The following MCF2L variants were observed in gnomAD, a reference collection of about 807,000 sequenced individuals.
The protein encoded by MCF2L is guanine nucleotide exchange factor DBS.
MCF2L carries 97 observed loss-of-function variants against 153.4 expected under a neutral mutation model. That is an observed-to-expected ratio of 0.63 (90% CI 0.54 to 0.75). MCF2L has a LOEUF of 0.75. Among genes scored for constraint, MCF2L ranks in the 30% least tolerant of loss-of-function variants. The pLI, the probability that MCF2L is intolerant of heterozygous loss-of-function variation, is 0.00. For missense variants in MCF2L, 1,347 were observed against 1,495.2 expected, an observed-to-expected ratio of 0.90 and a Z score of 1.64; for synonymous variants, 659 against 632.2, an observed-to-expected ratio of 1.04 and a Z score of -0.64.
chr13:113,033,919 C>T (rs1248846408), intron 3 of MCF2L: 7 of 167,204 alleles, frequency 4.2e-5, no homozygotes, highest in East Asian at 1.9e-4. Context: ...GGACAAGTCG[C>T]GGAGGCCCTG....
chr13:113,015,006 A>G (rs978316572), intron 2 of MCF2L, among the ~76,000 whole-genome samples, 160 bp downstream of exon 2: 1 of 152,182 alleles, frequency 6.6e-6, no homozygotes, highest in Non-Finnish European at 1.5e-5. Flanking sequence ...GGCTCTCCCC[A>G]TCTCTGTGAA....
At position 113,083,984 on chromosome 13, in the gene MCF2L, C is replaced by G; in HGVS notation, c.1992-14C>G. 6.2e-7 allele frequency: 1 copy of G among 1,608,788 alleles called. No individual in the cohort carries two copies. The highest frequency in any genetic ancestry group is 8.5e-7 in the Non-Finnish European group (1 of 1,175,244). ...GCCTGTCTTTCATACTACTTAAAAA[C>G]CTTCTTTGTCTAGGATATTCCTCAG... On this transcript the variant is annotated splice_polypyrimidine_tract_variant and intron_variant, in intron 17 of 29. Coordinates refer to ENST00000535094, the MANE Select transcript of MCF2L (RefSeq NM_001112732.3).
intron 2 of MCF2L, chr13:112,958,156 G>C (rs970916196): frequency 6.6e-6 from 1 of 152,170 alleles, no homozygotes; most frequent in Non-Finnish European, 1.5e-5. Context: ...GCTCTTCCTG[G>C]GCTCTCGAGA....
At position 113,096,923 on chromosome 13, in the gene MCF2L, C is replaced by T; in HGVS notation, c.*64C>T. The stretch of plus-strand genomic sequence containing the variant: ...CTGCGGTGGCGTGGGGAGGGCGCGG[C>T]CCCCGGACGCCCCGAGGAAGGGGCA... On this transcript the variant is annotated 3_prime_UTR_variant, in exon 30 of 30. Coordinates refer to ENST00000535094, the MANE Select transcript of MCF2L (RefSeq NM_001112732.3). 8.8e-7 allele frequency: 1 copy of T among 1,142,182 alleles called. No homozygotes were observed. The highest frequency in any genetic ancestry group is 2.4e-5 in the South Asian group (1 of 42,096). 70.8% of individuals were successfully genotyped at this position (1,142,182 alleles called of 1,614,324 possible). A position where few individuals can be genotyped will look rare whatever the true frequency, so the allele number is the denominator to read the frequency against.
intron 1 of MCF2L, among the ~76,000 whole-genome samples, chr13:112,980,555 C>A (rs999734054): frequency 1.3e-5 from 2 of 150,196 alleles, no homozygotes; most frequent in Admixed American, 6.6e-5. Context: ...CACATCCAGG[C>A]GATGCCTGAC....
intron 2 of MCF2L, among the ~76,000 whole-genome samples, chr13:112,945,574 A>G (rs766848297): frequency 6.6e-5 from 10 of 152,230 alleles, no homozygotes; most frequent in African/African-American, 9.6e-5. Flanking sequence ...TGATGGCACC[A>G]TTCTTCTGGG....
At chr13:112,900,793 G>C (rs2081112451) in intron 1 of MCF2L, among the ~76,000 whole-genome samples, 1 of 152,140 alleles carries the variant, frequency 6.6e-6, no homozygotes, top group Non-Finnish European at 1.5e-5. Flanking sequence ...TGGGGCAGTG[G>C]TTCTCGGGAC....
intron 2 of MCF2L, chr13:112,909,315 T>A (rs891098466): frequency 1.3e-5 from 10 of 779,556 alleles, no homozygotes; most frequent in Non-Finnish European, 2.4e-5. Context: ...CACTCGGCAG[T>A]GTGAGTACAT....
At position 113,031,016 on chromosome 13, in the gene MCF2L, GAGAA is replaced by G. The variant is rs1235315650; in HGVS notation, c.278+6266_278+6269del. ...CAGCAGGGCTGTGGGAAAACAATGTGAGAAAGAAAGAGAGACAGAGAGACAGAGA... is the reference window on the plus strand; with the variant it reads ...CAGCAGGGCTGTGGGAAAACAATGTGAGAAAGAGAGACAGAGAGACAGAGA... On this transcript the variant is annotated intron_variant, in intron 3 of 29. Coordinates refer to ENST00000535094, the MANE Select transcript of MCF2L (RefSeq NM_001112732.3). This position sits in a 1 kb window ranked among gnomAD's most constrained non-coding sequence, Gnocchi z 5.5. 6.6e-6 allele frequency among the ~76,000 whole-genome samples: 1 copy of G among 152,094 alleles called. No individual in the cohort carries two copies. The highest frequency in any genetic ancestry group is 1.5e-5 in the Non-Finnish European group (1 of 68,016).
chr13:112,931,082 GACAA>G (rs1311924633), intron 2 of MCF2L, among the ~76,000 whole-genome samples: 2 of 152,250 alleles, frequency 1.3e-5, no homozygotes, highest in African/African-American at 2.4e-5. Flanking sequence ...GCGTGCAGAT[GACAA>G]ACAGAGGTTC....
intron 20 of MCF2L, among the ~76,000 whole-genome samples, chr13:113,085,746 G>C (rs7329885): frequency 0.037 from 2,709 of 72,972 alleles, 109 homozygotes; most frequent in Middle Eastern, 0.11. Context: ...GAGCAGGTGC[G>C]AGGGGTTTGC....
At position 113,031,070 on chromosome 13, in the gene MCF2L, GAGAC is replaced by G. The variant is rs1294041273; in HGVS notation, c.278+6320_278+6323del. Among the ~76,000 whole-genome samples the G allele has an allele frequency of 2.8e-5, 4 of 140,986 alleles. No individual in the cohort carries two copies. The highest frequency in any genetic ancestry group is 7.0e-5 in the Admixed American group (1 of 14,208). The allele number at this position is 140,986 out of a possible 152,430, so 92.5% of individuals were successfully genotyped here. On this transcript the variant is annotated intron_variant, in intron 3 of 29. Coordinates refer to ENST00000535094, the MANE Select transcript of MCF2L (RefSeq NM_001112732.3). This position sits in a 1 kb window ranked among gnomAD's most constrained non-coding sequence, Gnocchi z 5.5. ...ACAGACAGATACAGACAGAGAGACA[GAGAC>G]AGACAGATACAGACAGAGACAGAGA...
intron 1 of MCF2L, among the ~76,000 whole-genome samples, chr13:112,982,041 C>A (rs2082449744): frequency 6.6e-6 from 1 of 152,204 alleles, no homozygotes; most frequent in Non-Finnish European, 1.5e-5. Flanking sequence ...TTGTGGGAAA[C>A]TAGGCCCGGA....
At chr13:113,018,488 GTCA>G (rs922772429) in intron 2 of MCF2L, among the ~76,000 whole-genome samples, 1 of 152,180 alleles carries the variant, frequency 6.6e-6, no homozygotes, top group Non-Finnish European at 1.5e-5. Flanking sequence ...TGCCTCCTGA[GTCA>G]TCCGTTTGAC....
chr13:112,992,631 GAAT>G (rs774714414), intron 1 of MCF2L, among the ~76,000 whole-genome samples: 1 of 152,228 alleles, frequency 6.6e-6, no homozygotes, highest in Non-Finnish European at 1.5e-5. Context: ...TGGGCCCACT[GAAT>G]AATGATGTGG....
At chr13:112,994,395 C>T (rs1398836924) in intron 1 of MCF2L, among the ~76,000 whole-genome samples, 3 of 152,148 alleles carry the variant, frequency 2.0e-5, no homozygotes, top group Admixed American at 6.5e-5. Flanking sequence ...GTCAAGCTGA[C>T]GTCACTGTCT....
intron 26 of MCF2L, among the ~76,000 whole-genome samples, chr13:113,093,270 T>C (rs532177745): frequency 6.6e-6 from 1 of 152,288 alleles, no homozygotes; most frequent in East Asian, 1.9e-4. Context: ...AACCGGAAAA[T>C]CACAGTCCTC....
chr13:112,926,810 G>C (rs940848625), intron 2 of MCF2L, among the ~76,000 whole-genome samples: 1 of 152,176 alleles, frequency 6.6e-6, no homozygotes, highest in Non-Finnish European at 1.5e-5. Flanking sequence ...GGGGCGGGGT[G>C]GGATGTGCTG....
At chr13:112,999,005 G>T (rs920235551) in intron 1 of MCF2L, among the ~76,000 whole-genome samples, 1 of 152,194 alleles carries the variant, frequency 6.6e-6, no homozygotes, top group African/African-American at 2.4e-5. Context: ...CCACAGCGAT[G>T]AGCCCGGGAT....
Sources: allele counts gnomAD v4.1 joint callset (sites outside exome capture counted in the v4.1 genomes callset), GRCh38; gene constraint gnomAD v4.1.1; non-coding constraint Gnocchi (gnomAD v3.1); transcripts MANE v1.5; gene names NCBI Gene and HGNC (gene_info 2026-07-23, HGNC 2026-07-21).